MBD5: variants seen among roughly 807,000 people sequenced by gnomAD.
The protein encoded by MBD5 is methyl-CpG-binding domain protein 5.
Under a neutral mutation model 117.3 loss-of-function variants are expected in MBD5, and 13 were observed. That is an observed-to-expected ratio of 0.11 (90% CI 0.07 to 0.18). The LOEUF (loss-of-function observed/expected upper bound fraction) is 0.18. Among genes scored for constraint, MBD5 ranks in the 10% least tolerant of loss-of-function variants. The pLI, the probability that MBD5 is intolerant of heterozygous loss-of-function variation, is 1.00. For synonymous variants in MBD5, 727 were observed against 766.4 expected, an observed-to-expected ratio of 0.95 and a Z score of 0.85; for missense variants, 1,879 against 2,093.8, an observed-to-expected ratio of 0.90 and a Z score of 2.00.
chr2:148,429,890 A>G (rs1418822301), intron 4 of MBD5, among the ~76,000 whole-genome samples: 2 of 151,492 alleles, frequency 1.3e-5, no homozygotes, highest in East Asian at 1.9e-4. Flanking sequence ...GAAATACCTA[A>G]TGGAGATGAT....
chr2:148,195,127 G>GT (rs1558967164), intron 2 of MBD5, among the ~76,000 whole-genome samples: 1 of 144,554 alleles, frequency 6.9e-6, no homozygotes, highest in East Asian at 1.9e-4. Flanking sequence ...TTTGTAGGGG[G>GT]TTAGATATAG....
At chr2:148,065,084 A>T (rs1470154629) in intron 1 of MBD5, among the ~76,000 whole-genome samples, 4 of 152,096 alleles carry the variant, frequency 2.6e-5, no homozygotes, top group Non-Finnish European at 5.9e-5. Flanking sequence ...GGAGATAATA[A>T]ATTTAGAATT....
intron 2 of MBD5, among the ~76,000 whole-genome samples, chr2:148,225,211 G>A (rs1699791581): frequency 6.6e-6 from 1 of 151,922 alleles, no homozygotes; most frequent in Non-Finnish European, 1.5e-5. Context: ...TGTATTAGTT[G>A]TATGTTTTTT....
At chr2:148,285,930 A>G (rs1417844036) in intron 3 of MBD5, among the ~76,000 whole-genome samples, 1 of 152,152 alleles carries the variant, frequency 6.6e-6, no homozygotes, top group African/African-American at 2.4e-5. Context: ...TTTATATATC[A>G]CTTTATTCAT....
At chr2:148,351,487 A>G (rs2105234033) in intron 4 of MBD5, among the ~76,000 whole-genome samples, 1 of 152,174 alleles carries the variant, frequency 6.6e-6, no homozygotes, top group South Asian at 2.1e-4. Context: ...TGTACATACC[A>G]TATTTTATTT....
At chr2:148,486,745 G>C (rs1681352287) in intron 10 of MBD5, among the ~76,000 whole-genome samples, 1 of 152,166 alleles carries the variant, frequency 6.6e-6, no homozygotes, top group Admixed American at 6.5e-5. Context: ...ATAACAATCA[G>C]AGTTACATAA....
At chr2:148,374,851 A>G (rs1011433588) in intron 4 of MBD5, among the ~76,000 whole-genome samples, 4 of 152,216 alleles carry the variant, frequency 2.6e-5, no homozygotes, top group Non-Finnish European at 5.9e-5. Flanking sequence ...ACACATGCGT[A>G]TGACTATACT....
At chr2:148,230,903 G>A (rs1252230208) in intron 2 of MBD5, among the ~76,000 whole-genome samples, 1 of 152,156 alleles carries the variant, frequency 6.6e-6, no homozygotes, top group African/African-American at 2.4e-5. Context: ...CCCTGCTGTG[G>A]CTGAGCTGGT....
chr2:148,463,289 A>C (rs142775634), intron 6 of MBD5, among the ~76,000 whole-genome samples: 1 of 152,204 alleles, frequency 6.6e-6, no homozygotes, highest in Non-Finnish European at 1.5e-5. Flanking sequence ...CATAATAAAT[A>C]AATTTAAAAC....
At chr2:148,323,689 G>A (rs1350578672) in intron 3 of MBD5, among the ~76,000 whole-genome samples, 3 of 151,944 alleles carry the variant, frequency 2.0e-5, no homozygotes, top group African/African-American at 4.8e-5. Context: ...TTTTTGATGG[G>A]GTTGTTTGTT....
At position 148,308,487 on chromosome 2, in the gene MBD5, C is replaced by CTTTTTTTTTTTTTTTTTTTTTTT. The variant is rs1701948279; in HGVS notation, c.-679-33724_-679-33723insTTTTTTTTTTTTTTTTTTTTTTT. ...ACTTCTCCCACTTTTTGATGGGGTT[C>CTTTTTTTTTTTTTTTTTTTTTTT]TTTCTTTTTTTTTTTTTTTTTTTTT... On this transcript the variant is annotated intron_variant, in intron 3 of 13. Coordinates refer to ENST00000642680, the MANE Select transcript of MBD5 (RefSeq NM_001378120.1). Among the ~76,000 whole-genome samples, 4 of 27,698 alleles carry CTTTTTTTTTTTTTTTTTTTTTTT rather than the reference C, an allele frequency of 1.4e-4. 1 individual carries two copies. The highest frequency in any genetic ancestry group is 2.9e-4 in the Non-Finnish European group (3 of 10,414). 18.2% of individuals were successfully genotyped at this position (27,698 alleles called of 152,430 possible). A position where few individuals can be genotyped will look rare whatever the true frequency, so the allele number is the denominator to read the frequency against.
chr2:148,091,256 C>G (rs1334577594), intron 1 of MBD5, among the ~76,000 whole-genome samples: 1 of 152,080 alleles, frequency 6.6e-6, no homozygotes, highest in Non-Finnish European at 1.5e-5. Flanking sequence ...AAATTCAGTG[C>G]AGTTCCCATC....
At chr2:148,498,750 C>T (rs974536047) in intron 11 of MBD5, among the ~76,000 whole-genome samples, 3 of 152,142 alleles carry the variant, frequency 2.0e-5, no homozygotes, top group African/African-American at 4.8e-5. Flanking sequence ...TACATGAGGT[C>T]CCACTGTGCT....
chr2:148,443,974 T>G (rs1169776776), intron 4 of MBD5, among the ~76,000 whole-genome samples: 1 of 151,330 alleles, frequency 6.6e-6, no homozygotes, highest in Non-Finnish European at 1.5e-5. Flanking sequence ...TTATTATGCA[T>G]TGCATGCCTA....
chr2:148,250,318 G>A (rs1378570832), intron 3 of MBD5, among the ~76,000 whole-genome samples: 1 of 152,148 alleles, frequency 6.6e-6, no homozygotes, highest in African/African-American at 2.4e-5. Context: ...CTTGAGGGTG[G>A]AGGTTGGAAG....
At chr2:148,392,050 A>G (rs959237320) in intron 4 of MBD5, among the ~76,000 whole-genome samples, 2 of 152,146 alleles carry the variant, frequency 1.3e-5, no homozygotes, top group Non-Finnish European at 2.9e-5. Context: ...TTTCTCACAA[A>G]GTAGAAATTA....
At chr2:148,097,136 TTTATG>T (rs1354870859) in intron 1 of MBD5, among the ~76,000 whole-genome samples, 1 of 152,166 alleles carries the variant, frequency 6.6e-6, no homozygotes, top group Non-Finnish European at 1.5e-5. Context: ...AAGGTATATG[TTTATG>T]TTAAGTGAAA....
intron 3 of MBD5, among the ~76,000 whole-genome samples, chr2:148,341,511 A>G (rs1294272798): frequency 1.3e-5 from 2 of 152,068 alleles, no homozygotes; most frequent in Non-Finnish European, 2.9e-5. Context: ...TATAAAGGCT[A>G]TATAGAGATA....
chr2:148,162,977 G>A lies in MBD5; in HGVS notation c.-924-15723G>A, dbSNP rs536829787. The stretch of plus-strand genomic sequence containing the variant: ...ACAGCCACCTTGATACTAAAAGTAA[G>A]TTGTAATAAAATGCTCAAATGAAAG... On this transcript the variant is annotated intron_variant, in intron 1 of 13. Transcript: ENST00000642680. 3.9e-5 allele frequency among the ~76,000 whole-genome samples: 6 copies of A among 152,284 alleles called. No homozygotes were observed. In the South Asian group the frequency reaches 8.3e-4, roughly 21 times the overall value.
Sources: gnomAD v4.1 joint callset for allele counts (sites outside exome capture counted in the v4.1 genomes callset) on GRCh38, gnomAD v4.1.1 for gene constraint, MANE v1.5 for transcripts, NCBI Gene and HGNC (gene_info 2026-07-23, HGNC 2026-07-21) for gene names.